GOLM1: variants seen among roughly 807,000 people sequenced by gnomAD.
The protein encoded by GOLM1 is golgi membrane protein 1.
A neutral mutation model predicts 50.5 loss-of-function variants in GOLM1; 31 were observed. The observed-to-expected ratio is 0.61, with a 90% CI of 0.46 to 0.83. The LOEUF (loss-of-function observed/expected upper bound fraction) is 0.83, where lower values mean the gene tolerates loss of function less well. GOLM1 is among the 40% of genes least tolerant of loss of function. The probability of loss-of-function intolerance (pLI) is 0.00; values close to 1 mark genes in which losing one functional copy is unlikely to be tolerated. For missense variants in GOLM1, 491 were observed against 501.3 expected (o/e 0.98, Z 0.20); for synonymous variants, 178 against 192.8 (o/e 0.92, Z 0.64).
At chr9:86,083,527 G>A in intron 1 of GOLM1, among the ~76,000 whole-genome samples, 1 of 152,182 alleles carries the variant, frequency 6.6e-6, no homozygotes, top group Non-Finnish European at 1.5e-5. Context: ...TGGGATTAGA[G>A]GTGGCCACCA....
At chr9:86,040,122 G>A (rs1045465450) in intron 6 of GOLM1, among the ~76,000 whole-genome samples, 4 of 152,064 alleles carry the variant, frequency 2.6e-5, no homozygotes, top group African/African-American at 9.7e-5. Flanking sequence ...AGGGATACAC[G>A]GTTTCTTTTG....
chr9:86,052,508 C>T (rs1305117683), intron 4 of GOLM1, 29 bp downstream of exon 4: 1 of 1,605,442 alleles, frequency 6.2e-7, no homozygotes, highest in Non-Finnish European at 8.5e-7. Context: ...AAGGCCAGTG[C>T]CTGGTGTGGA....
chr9:86,043,418 C>T (rs1405355617), intron 5 of GOLM1, among the ~76,000 whole-genome samples: 2 of 152,128 alleles, frequency 1.3e-5, no homozygotes, highest in Non-Finnish European at 2.9e-5. Flanking sequence ...TTAGACCAGA[C>T]AGGATGTTTT....
At chr9:86,093,868 G>A (rs992115519) in intron 1 of GOLM1, among the ~76,000 whole-genome samples, 1 of 152,092 alleles carries the variant, frequency 6.6e-6, no homozygotes, top group African/African-American at 2.4e-5. Flanking sequence ...AGGAGCAATC[G>A]CGTCAGATTA....
rs141150197 is a variant in GOLM1, at chr9:86,050,380, C to A, written c.364+2157G>T. ...TGGTATCAGGATGATGCTGGCCTCA[C>A]AAAATGAGTTAGGGAGGATTCCCTC... On this transcript the variant is annotated intron_variant, in intron 4 of 9. Transcript: ENST00000388712. Among the ~76,000 whole-genome samples, 222 of 152,142 alleles carry A rather than the reference C, an allele frequency of 1.5e-3. 2 individuals carry two copies. The highest frequency in any genetic ancestry group is 6.8e-3 in the Middle Eastern group (2 of 294).
rs774961983 is a variant in GOLM1, at chr9:86,035,362, AC to A, written c.1015+5del. 9 of 1,612,208 alleles carry A rather than the reference AC, an allele frequency of 5.6e-6. No individual in the cohort carries two copies. The highest frequency in any genetic ancestry group is 7.6e-6 in the Non-Finnish European group (9 of 1,179,426). On this transcript the variant is annotated splice_donor_5th_base_variant and intron_variant, in intron 8 of 9. Transcript: ENST00000388712. ...TCCACAGCGGCCCCCGAAACTTCAC[AC>A]CCACCTTCCCCGGCAGCTTCCTGCT...
In GOLM1 at chr9:86,040,796, C is replaced by CT; in HGVS notation, c.539dup (p.Asn182GlufsTer2). 6.2e-7 allele frequency: 1 copy of CT among 1,613,964 alleles called. No individual in the cohort carries two copies. The highest frequency in any genetic ancestry group is 8.5e-7 in the Non-Finnish European group (1 of 1,179,820). ...CTCTGGAAGCTACAGCTTCATTCCC[C>CT]TTTTTGGTGACCTCTTCTATTCGCT... On this transcript the variant is annotated frameshift_variant, in exon 6 of 10. Coordinates refer to ENST00000388712, the MANE Select transcript of GOLM1 (RefSeq NM_016548.4). LOFTEE classifies it high-confidence loss of function.
intron 3 of GOLM1, among the ~76,000 whole-genome samples, chr9:86,075,781 TC>T (rs1205592900): frequency 6.6e-6 from 1 of 151,976 alleles, no homozygotes; most frequent in Admixed American, 6.5e-5. Context: ...CTCTTTTTTT[TC>T]TTTTTCTTTT....
chr9:86,082,002 G>T (rs1587735456), intron 1 of GOLM1, among the ~76,000 whole-genome samples: 1 of 150,450 alleles, frequency 6.6e-6, no homozygotes, highest in East Asian at 1.9e-4. Flanking sequence ...AACACTCAAG[G>T]GGCATCAGCA....
intron 1 of GOLM1, among the ~76,000 whole-genome samples, chr9:86,080,445 C>T (rs553608070): frequency 1.3e-5 from 2 of 152,166 alleles, no homozygotes; most frequent in South Asian, 2.1e-4. Context: ...GCCTTTTACA[C>T]CAGGGGTGTC....
At chr9:86,099,640 C>G (rs1835473457), upstream of GOLM1, 2 of 149,612 alleles carry the variant, frequency 1.3e-5, no homozygotes, top group African/African-American at 4.9e-5. Flanking sequence ...CGCGGAGAAG[C>G]GAGGCAGGGG....
At chr9:86,039,899 C>CA (rs1833278524) in intron 6 of GOLM1, among the ~76,000 whole-genome samples, 1 of 150,160 alleles carries the variant, frequency 6.7e-6, no homozygotes, top group South Asian at 2.1e-4. Context: ...ACCTGGGAGG[C>CA]AGAGGCTGCA....
rs7862988 is a variant in GOLM1 at position 86,081,705 on chromosome 9, C to T, written c.-21-2364G>A. ...AGGAATTTGAGACCAGCCTGGCCAA[C>T]GTGGTGAAACTCCATCTCTACTAAA... On this transcript the variant is annotated intron_variant, in intron 1 of 9. Coordinates refer to ENST00000388712, the MANE Select transcript of GOLM1 (RefSeq NM_016548.4). 2.2e-3 allele frequency among the ~76,000 whole-genome samples: 331 copies of T among 151,672 alleles called. 1 individual carries two copies. Among genetic ancestry groups the T allele is most frequent in the African/African-American group, 7.4e-3 (305 of 41,434 alleles).
In GOLM1 at chr9:86,083,352, C is replaced by T. The variant is rs183575804; in HGVS notation, c.-21-4011G>A. On this transcript the variant is annotated intron_variant, in intron 1 of 9. Coordinates refer to ENST00000388712, the MANE Select transcript of GOLM1 (RefSeq NM_016548.4). ...AATCACAAAAAAGTCTATACATGTT[C>T]AGTACAGATGCAACCACAGTAGGCC... 3.9e-5 allele frequency among the ~76,000 whole-genome samples: 6 copies of T among 152,304 alleles called. No homozygotes were observed. In the East Asian group the frequency reaches 1.2e-3, roughly 29 times the overall value.
In GOLM1 at chr9:86,027,852, G is replaced by A. The variant is rs745361420; in HGVS notation, c.1171C>T (p.Leu391Phe). The part of the protein sequence containing the change: ...EDQKRDTINL[L>F]DQREKRNHTL Reference sequence around the variant, plus strand: ...TGATTCCGCTTTTCACGCTGATCAAGTAAATTTATGGTGTCTCTTTTCTGA... The same window carrying A: ...TGATTCCGCTTTTCACGCTGATCAAATAAATTTATGGTGTCTCTTTTCTGA... The change falls in exon 10 of 10, where the codon CTT (leucine) becomes TTT (phenylalanine). Residue 391 changes from leucine to phenylalanine, a missense_variant. Physicochemically the swap from Leu to Phe is conservative, Grantham distance 22. Transcript: ENST00000388712. The A allele has an allele frequency of 1.1e-5, 17 of 1,611,336 alleles. No homozygotes were observed. In the East Asian group the frequency reaches 3.6e-4, roughly 34 times the overall value.
At chr9:86,078,257 G>A (rs1377393135) in intron 2 of GOLM1, among the ~76,000 whole-genome samples, 1 of 152,232 alleles carries the variant, frequency 6.6e-6, no homozygotes, top group Non-Finnish European at 1.5e-5. Context: ...AAAGTACTGT[G>A]AAAGAGAAAT....
chr9:86,099,424 T>G lies in GOLM1; in HGVS notation c.-35A>C, dbSNP rs1456951548. 1.3e-5 allele frequency: 2 copies of G among 150,468 alleles called. No individual in the cohort carries two copies. Among genetic ancestry groups the G allele is most frequent in the Admixed American group, 6.6e-5 (1 of 15,152 alleles). 9.3% of individuals were successfully genotyped at this position (150,468 alleles called of 1,614,324 possible). A position where few individuals can be genotyped will look rare whatever the true frequency, so the allele number is the denominator to read the frequency against. ...CCGCCCACTCACCTCTTTTCGAGGCTCCGGCCGCCACTCGGGGATCCGGGG... is the reference window on the plus strand; with the variant it reads ...CCGCCCACTCACCTCTTTTCGAGGCGCCGGCCGCCACTCGGGGATCCGGGG... On this transcript the variant is annotated 5_prime_UTR_variant, in exon 1 of 10. Transcript: ENST00000388712.
intron 3 of GOLM1, among the ~76,000 whole-genome samples, chr9:86,076,062 G>A (rs1834600495): frequency 6.6e-6 from 1 of 152,152 alleles, no homozygotes; most frequent in Non-Finnish European, 1.5e-5. Context: ...AATGGAAGTT[G>A]AGCTACAACA....
chr9:86,090,629 G>A (rs1408731583), intron 1 of GOLM1, among the ~76,000 whole-genome samples: 2 of 151,990 alleles, frequency 1.3e-5, no homozygotes, highest in Non-Finnish European at 2.9e-5. Flanking sequence ...AGACTGCTGT[G>A]CTGGCAGCAA....
Sources: gnomAD v4.1 joint callset for allele counts (sites outside exome capture counted in the v4.1 genomes callset) on GRCh38, gnomAD v4.1.1 for gene constraint, MANE v1.5 for transcripts, NCBI Gene and HGNC (gene_info 2026-07-23, HGNC 2026-07-21) for gene names.